Variants in SLC1A1 observed in about 807,000 individuals in gnomAD.
SLC1A1 encodes the protein solute carrier family 1 member 1.
In SLC1A1, 43 loss-of-function variants were observed where a neutral mutation model predicts 53.3. The ratio of observed to expected loss-of-function variants is 0.81; its 90% CI spans 0.63 to 1.04. The LOEUF is 1.04. SLC1A1 is among the 50% of genes least tolerant of loss of function. The pLI is 0.00. For missense variants in SLC1A1, 748 were observed against 664.9 expected (o/e 1.12, Z -1.37); for synonymous variants, 307 against 243.2 (o/e 1.26, Z -2.44).
At chr9:4,521,914 T>TGCA (rs1378502379) in intron 1 of SLC1A1, among the ~76,000 whole-genome samples, 1 of 152,182 alleles carries the variant, frequency 6.6e-6, no homozygotes, top group Non-Finnish European at 1.5e-5. Flanking sequence ...GCTTGAGGCT[T>TGCA]GCAGCAGCAT....
chr9:4,585,340 C>CTTGG lies in SLC1A1; in HGVS notation c.1359_1362dup (p.Asp455TrpfsTer2). The CTTGG allele has an allele frequency of 6.2e-7, 1 of 1,614,118 alleles. No individual in the cohort carries two copies. ...CCGGTTCAGGACCATGGTCAACGTC[C>CTTGG]TTGGTGATGCTTTTGGGACGGGCAT... On this transcript the variant is annotated frameshift_variant, in exon 12 of 12. Coordinates refer to ENST00000262352, the MANE Select transcript of SLC1A1 (RefSeq NM_004170.6). LOFTEE classifies it high-confidence loss of function.
chr9:4,528,287 T>G (rs115041580), intron 1 of SLC1A1, among the ~76,000 whole-genome samples: 3,576 of 150,482 alleles, frequency 0.024, 154 homozygotes, highest in African/African-American at 0.084. Context: ...AAATGCAAGT[T>G]AGGAGGTGGG....
intron 4 of SLC1A1, among the ~76,000 whole-genome samples, chr9:4,565,399 C>T (rs7861103): frequency 0.63 from 95,491 of 152,038 alleles, 31,178 homozygotes; most frequent in Admixed American, 0.72. Flanking sequence ...TAATTTATAA[C>T]GGGAAGAGGC....
At chr9:4,524,791 A>C (rs572819724) in intron 1 of SLC1A1, among the ~76,000 whole-genome samples, 1 of 152,164 alleles carries the variant, frequency 6.6e-6, no homozygotes, top group Non-Finnish European at 1.5e-5. Context: ...AAGAGGAAAA[A>C]CCCGAGGGGT....
At chr9:4,542,024 C>A (rs72687892) in intron 1 of SLC1A1, among the ~76,000 whole-genome samples, 5,130 of 152,228 alleles carry the variant, frequency 0.034, 143 homozygotes, top group South Asian at 0.056. Flanking sequence ...ATAAAGCACA[C>A]CAATTTACAA....
intron 6 of SLC1A1, among the ~76,000 whole-genome samples, chr9:4,571,181 T>C (rs1586829534): frequency 6.6e-6 from 1 of 152,008 alleles, no homozygotes; most frequent in African/African-American, 2.4e-5. Context: ...AGCTAAATGA[T>C]GAGAACACAT....
At chr9:4,507,073 T>C (rs767990981) in intron 1 of SLC1A1, among the ~76,000 whole-genome samples, 1 of 151,632 alleles carries the variant, frequency 6.6e-6, no homozygotes, top group African/African-American at 2.4e-5. Flanking sequence ...CTATTAAAAA[T>C]ACAAAAAAAA....
chr9:4,567,586 A>T lies in SLC1A1; in HGVS notation c.484-83A>T. The T allele has an allele frequency of 8.1e-6, 7 of 865,020 alleles. No homozygotes were observed. In the South Asian group the frequency reaches 1.0e-4, roughly 12 times the overall value. 53.6% of individuals were successfully genotyped at this position (865,020 alleles called of 1,614,324 possible). ...TTCAGTGGCACTGTTTGGCCAAAAT[A>T]ACATGTTCCTGTGATTTAGTCTCAA... On this transcript the variant is annotated intron_variant, in intron 5 of 11. Coordinates refer to ENST00000262352, the MANE Select transcript of SLC1A1 (RefSeq NM_004170.6).
At position 4,585,473 on chromosome 9, in the gene SLC1A1, C is replaced by T. The variant is rs1398957867; in HGVS notation, c.1490C>T (p.Ser497Leu). The stretch of plus-strand genomic sequence containing the variant: ...TCCACAATCCTTGACAACGAAGACT[C>T]AGACACCAAGAAGTCTTATGTCAAT... ...LESTILDNED[S>L]DTKKSYVNGG... The change falls in exon 12 of 12, where the codon TCA becomes TTA. Residue 497 changes from serine (S) to leucine (L), a missense_variant. Ser to Leu is a moderately radical substitution (Grantham distance 145). Coordinates refer to ENST00000262352, the MANE Select transcript of SLC1A1 (RefSeq NM_004170.6). The T allele has an allele frequency of 1.2e-6, 2 of 1,614,076 alleles. No homozygotes were observed. Among genetic ancestry groups the T allele is most frequent in the African/African-American group, 2.7e-5 (2 of 74,928 alleles).
chr9:4,558,742 C>A (rs1818659124), intron 2 of SLC1A1, among the ~76,000 whole-genome samples: 1 of 152,062 alleles, frequency 6.6e-6, no homozygotes, highest in Middle Eastern at 3.2e-3. Flanking sequence ...AAACACATCC[C>A]CGAGAACAGC....
chr9:4,508,366 G>A (rs529877895), intron 1 of SLC1A1, among the ~76,000 whole-genome samples: 5 of 152,238 alleles, frequency 3.3e-5, no homozygotes, highest in South Asian at 2.1e-4. Flanking sequence ...TGGTTGTCCC[G>A]AGACTGATAG....
intron 1 of SLC1A1, among the ~76,000 whole-genome samples, chr9:4,515,477 T>C (rs1383604927): frequency 2.0e-5 from 3 of 152,182 alleles, no homozygotes; most frequent in African/African-American, 4.8e-5. Context: ...TAATTGTATA[T>C]TGAGTTTGTC....
chr9:4,572,022 A>G (rs1459334178), intron 6 of SLC1A1, among the ~76,000 whole-genome samples, 182 bp from the exon 7 acceptor site: 1 of 152,226 alleles, frequency 6.6e-6, no homozygotes, highest in African/African-American at 2.4e-5. Flanking sequence ...AGCAAGGGTA[A>G]AGTTTGTTAC....
At chr9:4,584,779 G>A (rs951079438) in intron 11 of SLC1A1, among the ~76,000 whole-genome samples, 7 of 152,070 alleles carry the variant, frequency 4.6e-5, no homozygotes, top group African/African-American at 1.4e-4. Context: ...TTCTGACCCC[G>A]TGCTCTGCAC....
In SLC1A1 at chr9:4,519,936, G is replaced by A. The variant is rs566647371; in HGVS notation, c.92-24631G>A. On this transcript the variant is annotated intron_variant, in intron 1 of 11. Transcript: ENST00000262352. Reference sequence around the variant, plus strand: ...AATTAATGACAGTTGATTTTTTCTCGGCCATTAGCTTTTATTTTACTTTAT... The same window carrying A: ...AATTAATGACAGTTGATTTTTTCTCAGCCATTAGCTTTTATTTTACTTTAT... Among the ~76,000 whole-genome samples the A allele has an allele frequency of 8.5e-4, 129 of 152,162 alleles. 1 individual carries two copies. Among genetic ancestry groups the A allele is most frequent in the African/African-American group, 1.4e-3 (57 of 41,500 alleles).
Position 4,585,829 on chromosome 9 carries a change from C to T in SLC1A1, c.*271C>T. 2 of 467,770 alleles carry T rather than the reference C, an allele frequency of 4.3e-6. No individual in the cohort carries two copies. The highest frequency in any genetic ancestry group is 7.8e-6 in the Non-Finnish European group (2 of 256,324). The allele number at this position is 467,770 out of a possible 1,614,324, so 29.0% of individuals were successfully genotyped here. ...CTATAAGAGACAAAGTTTGGAAGTA[C>T]ATAAAGTAATAACTGTTAGAATTAG... is the stretch of plus-strand genomic sequence containing the variant. On this transcript the variant is annotated 3_prime_UTR_variant, in exon 12 of 12. Transcript: ENST00000262352.
At chr9:4,561,117 C>G (rs371428821) in intron 2 of SLC1A1, among the ~76,000 whole-genome samples, 146 of 152,210 alleles carry the variant, frequency 9.6e-4, no homozygotes, top group African/African-American at 3.3e-3. Context: ...TGATATAATA[C>G]AAATCTTGGT....
At chr9:4,546,979 G>C (rs926244166) in intron 2 of SLC1A1, among the ~76,000 whole-genome samples, 3 of 152,236 alleles carry the variant, frequency 2.0e-5, no homozygotes, top group African/African-American at 7.2e-5. Context: ...AAGTATAGAA[G>C]ATTGATCCAA....
At chr9:4,565,683 G>A (rs1182557119) in intron 4 of SLC1A1, among the ~76,000 whole-genome samples, 2 of 152,150 alleles carry the variant, frequency 1.3e-5, no homozygotes, top group Non-Finnish European at 2.9e-5. Flanking sequence ...CATGAGATTT[G>A]GGTGGGGACA....
Sources: allele counts gnomAD v4.1 joint callset (sites outside exome capture counted in the v4.1 genomes callset), GRCh38; gene constraint gnomAD v4.1.1; transcripts MANE v1.5; gene names NCBI Gene and HGNC (gene_info 2026-07-23, HGNC 2026-07-21).